FBXL7: variants seen among roughly 807,000 people sequenced by gnomAD.
FBXL7 encodes F-box and leucine rich repeat protein 7.
In FBXL7, 12 loss-of-function variants were observed where a neutral mutation model predicts 38.3. The observed-to-expected ratio is 0.31, with a 90% CI of 0.20 to 0.51. The LOEUF is 0.51. FBXL7 is among the 20% of genes least tolerant of loss of function. The pLI is 0.98. For missense variants in FBXL7, 567 were observed against 676.4 expected (o/e 0.84, Z 1.79); for synonymous variants, 297 against 300.9 (o/e 0.99, Z 0.13).
chr5:15,912,573 C>T (rs571348897), intron 2 of FBXL7, among the ~76,000 whole-genome samples: 1 of 152,162 alleles, frequency 6.6e-6, no homozygotes, highest in East Asian at 1.9e-4. Flanking sequence ...GGATTTTCCA[C>T]AAGTATTTCA....
intron 1 of FBXL7, among the ~76,000 whole-genome samples, chr5:15,527,433 C>T (rs1273599268): frequency 6.6e-6 from 1 of 151,966 alleles, no homozygotes; most frequent in African/African-American, 2.4e-5. Context: ...TTAACGTTTT[C>T]AATATTATTA....
intron 2 of FBXL7, among the ~76,000 whole-genome samples, chr5:15,834,375 T>A (rs1467998898): frequency 1.3e-5 from 2 of 152,232 alleles, no homozygotes; most frequent in East Asian, 3.9e-4. Context: ...CTTCTCTGCC[T>A]ATATATTCTT....
At chr5:15,901,304 G>A (rs919866166) in intron 2 of FBXL7, among the ~76,000 whole-genome samples, 1 of 152,180 alleles carries the variant, frequency 6.6e-6, no homozygotes, top group East Asian at 1.9e-4. Context: ...TCTTCTGACT[G>A]TGTCTTCACG....
chr5:15,649,876 G>C (rs977185685), intron 2 of FBXL7, among the ~76,000 whole-genome samples: 1 of 152,122 alleles, frequency 6.6e-6, no homozygotes, highest in African/African-American at 2.4e-5. Flanking sequence ...AAATGGCTGG[G>C]TAAAAAGTGA....
intron 2 of FBXL7, among the ~76,000 whole-genome samples, chr5:15,618,805 C>T (rs950978044): frequency 6.6e-6 from 1 of 152,104 alleles, no homozygotes; most frequent in Non-Finnish European, 1.5e-5. Flanking sequence ...CGGCCTATCC[C>T]GACGGGTCTA....
At chr5:15,655,994 A>G (rs1368893293) in intron 2 of FBXL7, among the ~76,000 whole-genome samples, 1 of 152,196 alleles carries the variant, frequency 6.6e-6, no homozygotes, top group Non-Finnish European at 1.5e-5. Context: ...TAGGATAAGA[A>G]TTATTTTTGT....
At chr5:15,582,439 A>G (rs1471544055) in intron 1 of FBXL7, among the ~76,000 whole-genome samples, 1 of 152,236 alleles carries the variant, frequency 6.6e-6, no homozygotes, top group Non-Finnish European at 1.5e-5. Flanking sequence ...CTATATGTTC[A>G]TACAAGGGTA....
chr5:15,629,018 A>G (rs186712412), intron 2 of FBXL7, among the ~76,000 whole-genome samples: 5 of 152,102 alleles, frequency 3.3e-5, no homozygotes, highest in Admixed American at 2.6e-4. Context: ...TGGCTCATGC[A>G]TGTAATCTGT....
intron 1 of FBXL7, among the ~76,000 whole-genome samples, chr5:15,604,003 G>A (rs1358774462): frequency 6.6e-6 from 1 of 152,136 alleles, no homozygotes; most frequent in Non-Finnish European, 1.5e-5. Context: ...TGGGCATAAG[G>A]TGCATGCCTG....
chr5:15,928,976 G>C lies in FBXL7; in HGVS notation c.739+475G>C, dbSNP rs1379443936. On this transcript the variant is annotated intron_variant, in intron 3 of 3. Transcript: ENST00000504595. This position sits in a 1 kb window ranked among gnomAD's most constrained non-coding sequence, Gnocchi z 4.0. ...AGAGCAACCATAGATAGTGCAAACAGGGTATCTAAGTGTAGAGAAATAGGA... is the reference window on the plus strand; with the variant it reads ...AGAGCAACCATAGATAGTGCAAACACGGTATCTAAGTGTAGAGAAATAGGA... 6.6e-6 allele frequency among the ~76,000 whole-genome samples: 1 copy of C among 152,148 alleles called. No individual in the cohort carries two copies. Among genetic ancestry groups the C allele is most frequent in the Non-Finnish European group, 1.5e-5 (1 of 68,036 alleles).
chr5:15,644,951 C>A (rs1741484796), intron 2 of FBXL7, among the ~76,000 whole-genome samples: 1 of 152,084 alleles, frequency 6.6e-6, no homozygotes, highest in Non-Finnish European at 1.5e-5. Context: ...ACCCCTGGGA[C>A]TTTATATTCA....
chr5:15,725,599 A>G (rs1744324467), intron 2 of FBXL7, among the ~76,000 whole-genome samples: 1 of 152,134 alleles, frequency 6.6e-6, no homozygotes, highest in African/African-American at 2.4e-5. Context: ...TGTACCTGAG[A>G]AGAATGTGTA....
chr5:15,700,746 A>G (rs1451667117), intron 2 of FBXL7, among the ~76,000 whole-genome samples: 2 of 152,188 alleles, frequency 1.3e-5, no homozygotes, highest in East Asian at 3.8e-4. Context: ...TGGATAATTT[A>G]TGGTCAATTC....
intron 2 of FBXL7, among the ~76,000 whole-genome samples, chr5:15,661,748 A>G (rs1229428679): frequency 6.6e-6 from 1 of 152,152 alleles, no homozygotes; most frequent in Non-Finnish European, 1.5e-5. Flanking sequence ...AATCCTCATT[A>G]TTTAGCTCCC....
intron 2 of FBXL7, among the ~76,000 whole-genome samples, chr5:15,655,109 C>G (rs1741831883): frequency 6.6e-6 from 1 of 152,190 alleles, no homozygotes. Flanking sequence ...ACATCTTAGT[C>G]TAGCACATTT....
At chr5:15,841,202 G>C (rs16867783) in intron 2 of FBXL7, among the ~76,000 whole-genome samples, 7,286 of 151,566 alleles carry the variant, frequency 0.048, 555 homozygotes, top group African/African-American at 0.17. Context: ...TGGTTTTTTT[G>C]GTAGTGGTTG....
At chr5:15,759,543 A>C (rs1224156607) in intron 2 of FBXL7, among the ~76,000 whole-genome samples, 1 of 152,170 alleles carries the variant, frequency 6.6e-6, no homozygotes, top group Non-Finnish European at 1.5e-5. Flanking sequence ...CACTCACTGA[A>C]ATTATGCTTT....
chr5:15,764,572 AG>A (rs1161115398), intron 2 of FBXL7, among the ~76,000 whole-genome samples: 13 of 152,310 alleles, frequency 8.5e-5, no homozygotes, highest in Admixed American at 2.0e-4. Flanking sequence ...AGAAACTCCG[AG>A]GGGGGCTTAA....
At position 15,500,306 on chromosome 5, in the gene FBXL7, G is replaced by A. The variant is rs908124019; in HGVS notation, c.-371G>A. On this transcript the variant is annotated 5_prime_UTR_variant, in exon 1 of 4. Transcript: ENST00000504595. The stretch of plus-strand genomic sequence containing the variant: ...GTCGAGCCGCGGAGCCCAGGGGCCT[G>A]CCCGGCTCAGCGCCCACCGGAGGGG... 3 of 151,550 alleles carry A rather than the reference G, an allele frequency of 2.0e-5. No individual in the cohort carries two copies. Among genetic ancestry groups the A allele is most frequent in the African/African-American group, 7.3e-5 (3 of 41,294 alleles). 9.4% of individuals were successfully genotyped at this position (151,550 alleles called of 1,614,324 possible).
Sources: gnomAD v4.1 joint callset for allele counts (sites outside exome capture counted in the v4.1 genomes callset) on GRCh38, gnomAD v4.1.1 for gene constraint, Gnocchi (gnomAD v3.1) non-coding constraint, MANE v1.5 for transcripts, NCBI Gene and HGNC (gene_info 2026-07-23, HGNC 2026-07-21) for gene names.